Variants in NECAB1 observed in about 807,000 individuals in gnomAD.
NECAB1 encodes the protein N-terminal EF-hand calcium-binding protein 1.
NECAB1 carries 29 observed loss-of-function variants against 57.5 expected under a neutral mutation model. The ratio of observed to expected loss-of-function variants is 0.50; its 90% CI spans 0.38 to 0.69. NECAB1 has a LOEUF of 0.69. Among genes scored for constraint, NECAB1 ranks in the 30% least tolerant of loss-of-function variants. NECAB1 has a pLI of 0.00. For missense variants in NECAB1, 372 were observed against 413.8 expected (o/e 0.90, Z 0.88); for synonymous variants, 142 against 147.7 (o/e 0.96, Z 0.28).
intron 8 of NECAB1, among the ~76,000 whole-genome samples, chr8:90,931,034 T>C (rs1475382882): frequency 6.6e-6 from 1 of 152,178 alleles, no homozygotes; most frequent in Admixed American, 6.5e-5. Flanking sequence ...TTTCTAACTT[T>C]AAATCAAAGT....
intron 6 of NECAB1, among the ~76,000 whole-genome samples, chr8:90,920,684 T>C (rs1050299276): frequency 6.6e-6 from 1 of 152,200 alleles, no homozygotes; most frequent in African/African-American, 2.4e-5. Context: ...TGGGAAGCCT[T>C]CACTGCTCAT....
chr8:90,895,650 T>C (rs1030958800), intron 5 of NECAB1, among the ~76,000 whole-genome samples: 2 of 152,232 alleles, frequency 1.3e-5, no homozygotes, highest in Admixed American at 1.3e-4. Flanking sequence ...GAAAAAGTGA[T>C]TATGTATTTG....
At chr8:90,795,708 T>TTTCTCA (rs1811649145) in intron 1 of NECAB1, among the ~76,000 whole-genome samples, 1 of 147,764 alleles carries the variant, frequency 6.8e-6, no homozygotes, top group East Asian at 2.0e-4. Flanking sequence ...CTCATCTCTC[T>TTTCTCA]CACACACACA....
intron 2 of NECAB1, among the ~76,000 whole-genome samples, chr8:90,804,642 G>A (rs777814040): frequency 3.9e-5 from 6 of 152,058 alleles, no homozygotes; most frequent in Non-Finnish European, 8.8e-5. Flanking sequence ...ACTATAATTT[G>A]TCAATTTATG....
intron 4 of NECAB1, 36 bp downstream of exon 4, chr8:90,872,189 T>A (rs1808633490): frequency 6.7e-7 from 1 of 1,499,650 alleles, no homozygotes; most frequent in Admixed American, 2.1e-5. Context: ...AACCTATTAC[T>A]TGCTTAAGAA....
intron 5 of NECAB1, among the ~76,000 whole-genome samples, chr8:90,916,204 A>C (rs1389349608): frequency 6.6e-6 from 1 of 152,208 alleles, no homozygotes; most frequent in Non-Finnish European, 1.5e-5. Context: ...GAAACTTTTT[A>C]CTATTTCAAA....
At chr8:90,925,865 G>T (rs188057824) in intron 7 of NECAB1, among the ~76,000 whole-genome samples, 18 of 152,284 alleles carry the variant, frequency 1.2e-4, no homozygotes, top group African/African-American at 4.3e-4. Flanking sequence ...TAGCAGTTGT[G>T]CCTGGAAAGC....
intron 2 of NECAB1, chr8:90,806,629 A>G (rs1016503917): frequency 1.2e-4 from 19 of 152,248 alleles, no homozygotes; most frequent in African/African-American, 4.6e-4. Flanking sequence ...TGGCGAGAAC[A>G]TAGGCTTTGA....
At chr8:90,875,832 C>A (rs1213620918) in intron 4 of NECAB1, among the ~76,000 whole-genome samples, 1 of 106,656 alleles carries the variant, frequency 9.4e-6, no homozygotes, top group Non-Finnish European at 1.7e-5. Context: ...AACCCCATCT[C>A]TACTAAAAAT....
intron 5 of NECAB1, among the ~76,000 whole-genome samples, chr8:90,914,698 A>C (rs1586119105): frequency 6.6e-6 from 1 of 152,254 alleles, no homozygotes; most frequent in South Asian, 2.1e-4. Context: ...TAACTTTCTG[A>C]TTTGCTATGG....
intron 2 of NECAB1, among the ~76,000 whole-genome samples, chr8:90,802,055 T>C (rs1470275447): frequency 6.6e-6 from 1 of 152,236 alleles, no homozygotes; most frequent in Non-Finnish European, 1.5e-5. Context: ...GGCCAAGTGC[T>C]TTGTGCATAT....
At position 90,906,885 on chromosome 8, in the gene NECAB1, A is replaced by ATATGTATATATATATATATGTATG. The variant is rs1554574058; in HGVS notation, c.358-10604_358-10603insGTATATATATATATATGTATGTAT. 2.4e-3 allele frequency among the ~76,000 whole-genome samples: 295 copies of ATATGTATATATATATATATGTATG among 120,910 alleles called. 12 individuals are homozygous for ATATGTATATATATATATATGTATG. Among genetic ancestry groups the ATATGTATATATATATATATGTATG allele is most frequent in the African/African-American group, 0.01 (287 of 28,484 alleles). The allele number at this position is 120,910 out of a possible 152,430, so 79.3% of individuals were successfully genotyped here. On this transcript the variant is annotated intron_variant, in intron 5 of 12. Transcript: ENST00000417640. Reference sequence around the variant, plus strand: ...TTACATATGATATACACATATATATATATATATATATATATATATATATAT... The same window carrying ATATGTATATATATATATATGTATG: ...TTACATATGATATACACATATATATATATGTATATATATATATATGTATGTATATATATATATATATATATATAT...
chr8:90,837,398 T>C (rs1297681689), intron 3 of NECAB1, among the ~76,000 whole-genome samples: 1 of 152,218 alleles, frequency 6.6e-6, no homozygotes, highest in Non-Finnish European at 1.5e-5. Flanking sequence ...TACAGTGTGG[T>C]TACCTTGGAC....
At chr8:90,939,300 G>A (rs989400391) in intron 9 of NECAB1, among the ~76,000 whole-genome samples, 1 of 152,190 alleles carries the variant, frequency 6.6e-6, no homozygotes, top group African/African-American at 2.4e-5. Context: ...CGGCCTCTTA[G>A]GGCCTGAATT....
At chr8:90,912,039 G>A (rs775400778) in intron 5 of NECAB1, among the ~76,000 whole-genome samples, 6 of 152,146 alleles carry the variant, frequency 3.9e-5, no homozygotes, top group Admixed American at 3.3e-4. Flanking sequence ...GAACGTAAGT[G>A]TGACTGTCTT....
chr8:90,860,544 T>C (rs1812882827), intron 3 of NECAB1, among the ~76,000 whole-genome samples: 1 of 152,144 alleles, frequency 6.6e-6, no homozygotes, highest in Non-Finnish European at 1.5e-5. Context: ...GTTTCAAGGA[T>C]AGATTTAGGA....
chr8:90,813,444 C>T (rs1242756030), intron 2 of NECAB1, among the ~76,000 whole-genome samples: 1 of 151,592 alleles, frequency 6.6e-6, no homozygotes, highest in African/African-American at 2.4e-5. Context: ...ACTAATTTTG[C>T]CATGTTGATA....
intron 10 of NECAB1, among the ~76,000 whole-genome samples, chr8:90,941,971 G>A (rs544794200): frequency 6.6e-6 from 1 of 152,160 alleles, no homozygotes; most frequent in Non-Finnish European, 1.5e-5. Flanking sequence ...TTTAGAAAAT[G>A]TGTGTGTGTT....
chr8:90,792,008 G>A, intron 1 of NECAB1, 23 bp downstream of exon 1: 1 of 1,541,628 alleles, frequency 6.5e-7, no homozygotes, highest in South Asian at 1.2e-5. Context: ...GGTGGGAGCT[G>A]GGCGGTTGCT....
Sources: gnomAD v4.1 joint callset for allele counts (sites outside exome capture counted in the v4.1 genomes callset) on GRCh38, gnomAD v4.1.1 for gene constraint, MANE v1.5 for transcripts, NCBI Gene and HGNC (gene_info 2026-07-23, HGNC 2026-07-21) for gene names.